CNTN4: variants seen among roughly 807,000 people sequenced by gnomAD.
CNTN4 encodes contactin-4.
A neutral mutation model predicts 122.5 loss-of-function variants in CNTN4; 77 were observed. The ratio of observed to expected loss-of-function variants is 0.63; its 90% CI spans 0.52 to 0.76. The LOEUF is 0.76. Ranked by LOEUF, CNTN4 falls within the 30% of genes least tolerant of loss-of-function variation. CNTN4 has a pLI of 0.00. For missense variants in CNTN4, 1,256 were observed against 1,259.1 expected (o/e 1.00, Z 0.04); for synonymous variants, 512 against 447.0 (o/e 1.15, Z -1.83).
At chr3:2,170,173 T>G (rs112464165) in intron 2 of CNTN4, among the ~76,000 whole-genome samples, 92 of 141,980 alleles carry the variant, frequency 6.5e-4, no homozygotes, top group South Asian at 5.1e-3. Flanking sequence ...TACAAAAAAT[T>G]AGCCGGGCGT....
chr3:2,804,927 C>T (rs1289176568), intron 6 of CNTN4, among the ~76,000 whole-genome samples: 1 of 152,112 alleles, frequency 6.6e-6, no homozygotes, highest in Non-Finnish European at 1.5e-5. Context: ...GTAATCCCAA[C>T]ACTTTGGGAG....
Position 2,425,955 on chromosome 3 carries a change from G to A in CNTN4, c.-89+86722G>A, listed in dbSNP as rs551204035. On this transcript the variant is annotated intron_variant, in intron 3 of 24. Coordinates refer to ENST00000418658, the MANE Select transcript of CNTN4 (RefSeq NM_175607.3). ...TTTGCTGAAGTTGCTTATCAGCTTA[G>A]GGAGATTTTGGGCTGAGACAATGGG... is the stretch of plus-strand genomic sequence containing the variant. Among the ~76,000 whole-genome samples the A allele has an allele frequency of 5.9e-5, 9 of 152,218 alleles. 1 individual carries two copies. The South Asian group carries it at 6.2e-4, about 11-fold the overall frequency.
At chr3:2,936,634 T>G (rs2094569630) in intron 13 of CNTN4, among the ~76,000 whole-genome samples, 1 of 152,170 alleles carries the variant, frequency 6.6e-6, no homozygotes, top group Non-Finnish European at 1.5e-5. Flanking sequence ...TTCAAATGGC[T>G]TCTTCTTCCT....
chr3:2,579,312 C>CTG (rs1647659254), intron 4 of CNTN4, among the ~76,000 whole-genome samples: 1 of 152,188 alleles, frequency 6.6e-6, no homozygotes, highest in African/African-American at 2.4e-5. Flanking sequence ...TAACGTCAAC[C>CTG]TGTGTGATCA....
At chr3:2,625,868 A>G (rs2082164843) in intron 4 of CNTN4, among the ~76,000 whole-genome samples, 1 of 152,222 alleles carries the variant, frequency 6.6e-6, no homozygotes, top group Non-Finnish European at 1.5e-5. Flanking sequence ...TTCACGAGAT[A>G]ACACTAAATT....
At chr3:2,791,297 C>T (rs1275017466) in intron 6 of CNTN4, among the ~76,000 whole-genome samples, 2 of 152,122 alleles carry the variant, frequency 1.3e-5, no homozygotes, top group Non-Finnish European at 2.9e-5. Flanking sequence ...AGTGGGAAGC[C>T]AAGGCGGGCT....
intron 4 of CNTN4, among the ~76,000 whole-genome samples, chr3:2,643,196 T>G (rs1439385677): frequency 6.6e-6 from 1 of 152,150 alleles, no homozygotes; most frequent in African/African-American, 2.4e-5. Context: ...TTGTTTGAGA[T>G]GGAGTCTCTC....
chr3:2,238,545 T>A (rs2039772152), intron 2 of CNTN4, among the ~76,000 whole-genome samples: 1 of 151,754 alleles, frequency 6.6e-6, no homozygotes, highest in Non-Finnish European at 1.5e-5. Flanking sequence ...CTAAATACAA[T>A]CTTCAATGTA....
intron 2 of CNTN4, among the ~76,000 whole-genome samples, chr3:2,120,311 A>C (rs931367374): frequency 4.9e-5 from 7 of 143,598 alleles, no homozygotes; most frequent in Non-Finnish European, 9.0e-5. Context: ...AAATATGTGT[A>C]ACTTCCATAT....
chr3:2,108,307 A>G (rs1225233527), intron 2 of CNTN4, among the ~76,000 whole-genome samples: 1 of 151,968 alleles, frequency 6.6e-6, no homozygotes, highest in African/African-American at 2.4e-5. Flanking sequence ...AATACTATTG[A>G]GGCATAAAGA....
chr3:2,625,757 CTAT>C (rs969727125), intron 4 of CNTN4, among the ~76,000 whole-genome samples: 1 of 151,806 alleles, frequency 6.6e-6, no homozygotes, highest in African/African-American at 2.4e-5. Flanking sequence ...TCTTTTTTTG[CTAT>C]TATCATTAAT....
At chr3:2,159,011 G>C (rs148150738) in intron 2 of CNTN4, among the ~76,000 whole-genome samples, 1 of 152,106 alleles carries the variant, frequency 6.6e-6, no homozygotes, top group East Asian at 1.9e-4. Flanking sequence ...CTGAGGTCTA[G>C]TGTATGAAGT....
At chr3:2,510,066 G>T (rs1179756428) in intron 3 of CNTN4, among the ~76,000 whole-genome samples, 7 of 152,130 alleles carry the variant, frequency 4.6e-5, no homozygotes, top group Admixed American at 3.9e-4. Flanking sequence ...CACTTACTGA[G>T]CATGATGTTT....
intron 13 of CNTN4, among the ~76,000 whole-genome samples, chr3:2,973,598 G>T (rs967700433): frequency 6.6e-6 from 1 of 152,028 alleles, no homozygotes; most frequent in Non-Finnish European, 1.5e-5. Flanking sequence ...CCCAGGAATT[G>T]TCATCAATGT....
chr3:2,825,468 C>T (rs113795381), intron 7 of CNTN4, among the ~76,000 whole-genome samples: 3,544 of 151,932 alleles, frequency 0.023, 89 homozygotes, highest in African/African-American at 0.065. Context: ...AGGATCCACC[C>T]GCTTCAGCCT....
chr3:3,039,392 C>T (rs906722244), intron 19 of CNTN4: 1 of 187,890 alleles, frequency 5.3e-6, no homozygotes, highest in African/African-American at 2.4e-5. Context: ...ATTGGCTTTG[C>T]TTCTAGAAGG....
At chr3:2,326,400 G>GCT in intron 2 of CNTN4, among the ~76,000 whole-genome samples, 1 of 151,958 alleles carries the variant, frequency 6.6e-6, no homozygotes, top group Non-Finnish European at 1.5e-5. Context: ...CAGCTCTCCT[G>GCT]GGCCTCTAAC....
At chr3:2,251,364 C>T (rs1034412199) in intron 2 of CNTN4, among the ~76,000 whole-genome samples, 6 of 151,886 alleles carry the variant, frequency 4.0e-5, no homozygotes, top group Admixed American at 2.6e-4. Context: ...CTACTTAGAG[C>T]TGTTTTCTTC....
intron 2 of CNTN4, among the ~76,000 whole-genome samples, chr3:2,282,953 T>C (rs887910633): frequency 1.3e-4 from 20 of 152,082 alleles, no homozygotes; most frequent in African/African-American, 4.6e-4. Flanking sequence ...GGCAAATCCA[T>C]AGAAACGGAA....
Sources: gnomAD v4.1 joint callset for allele counts (sites outside exome capture counted in the v4.1 genomes callset) on GRCh38, gnomAD v4.1.1 for gene constraint, MANE v1.5 for transcripts, NCBI Gene and HGNC (gene_info 2026-07-23, HGNC 2026-07-21) for gene names.